The following TTC17 variants were observed in gnomAD, a reference collection of about 807,000 sequenced individuals.
TTC17 encodes tetratricopeptide repeat domain 17, also known as tetratricopeptide repeat protein 17.
TTC17 carries 58 observed loss-of-function variants against 143.8 expected under a neutral mutation model. The ratio of observed to expected loss-of-function variants is 0.40; its 90% CI spans 0.33 to 0.50. The LOEUF (loss-of-function observed/expected upper bound fraction) is 0.50. Ranked by LOEUF, TTC17 falls within the 20% of genes least tolerant of loss-of-function variation. The pLI, the probability that TTC17 is intolerant of heterozygous loss-of-function variation, is 0.49. For missense variants in TTC17, 1,273 were observed against 1,392.5 expected (o/e 0.91, Z 1.37); for synonymous variants, 501 against 497.8 (o/e 1.01, Z -0.09).
At chr11:43,375,310 G>A (rs1199456147) in intron 1 of TTC17, among the ~76,000 whole-genome samples, 1 of 152,198 alleles carries the variant, frequency 6.6e-6, no homozygotes, top group African/African-American at 2.4e-5. Flanking sequence ...AAGGAAGCAA[G>A]TGAGGTGCTT....
At chr11:43,468,621 A>G (rs1240293947) in intron 21 of TTC17, among the ~76,000 whole-genome samples, 1 of 152,172 alleles carries the variant, frequency 6.6e-6, no homozygotes. Flanking sequence ...AAGAAAAAAA[A>G]ATTGGTAAGT....
At chr11:43,400,203 A>G (rs1288393248) in intron 9 of TTC17, among the ~76,000 whole-genome samples, 155 bp downstream of exon 9, 14 of 152,220 alleles carry the variant, frequency 9.2e-5, no homozygotes, top group African/African-American at 3.1e-4. Flanking sequence ...TGGGTATACC[A>G]GGAGGCCTGG....
intron 1 of TTC17, among the ~76,000 whole-genome samples, chr11:43,366,491 G>C (rs528721128): frequency 6.9e-6 from 1 of 144,590 alleles, no homozygotes; most frequent in African/African-American, 2.7e-5. Context: ...GCGTGACAGA[G>C]TGAGACTCTG....
intron 16 of TTC17, among the ~76,000 whole-genome samples, chr11:43,430,128 G>C (rs1947119871): frequency 6.6e-6 from 1 of 152,158 alleles, no homozygotes; most frequent in Non-Finnish European, 1.5e-5. Flanking sequence ...ACTGAAGCAA[G>C]ATTAACAAAC....
rs1947652958 is a variant in TTC17, at chr11:43,451,278, A to G, written c.3030+13A>G. ...AGTTTTGGAAAAGGTAAGTCACCCCACAGAAAAGCTGGAAACAATTGCCCT... is the reference window on the plus strand; with the variant it reads ...AGTTTTGGAAAAGGTAAGTCACCCCGCAGAAAAGCTGGAAACAATTGCCCT... On this transcript the variant is annotated intron_variant, in intron 21 of 23. Coordinates refer to ENST00000039989, the MANE Select transcript of TTC17 (RefSeq NM_018259.6). 6.2e-7 allele frequency: 1 copy of G among 1,611,408 alleles called. No individual in the cohort carries two copies. Among genetic ancestry groups the G allele is most frequent in the Non-Finnish European group, 8.5e-7 (1 of 1,177,752 alleles).
At chr11:43,399,227 G>C (rs553967223) in intron 8 of TTC17, among the ~76,000 whole-genome samples, 84 of 152,336 alleles carry the variant, frequency 5.5e-4, no homozygotes, top group African/African-American at 2.0e-3. Flanking sequence ...TGAAAAGGAG[G>C]AAAGGATTCT....
rs368225618 is a variant in TTC17 at position 43,405,576 on chromosome 11, T to C, written c.1542T>C (p.Pro514=). 2 of 1,613,910 alleles carry C rather than the reference T, an allele frequency of 1.2e-6. No homozygotes were observed. The highest frequency in any genetic ancestry group is 1.3e-5 in the African/African-American group (1 of 74,928). The change falls in exon 12 of 24, where the codon CCT becomes CCC. Residue 514 remains proline (P), a synonymous_variant. Transcript: ENST00000039989. The part of the protein sequence containing the change: ...ADCTESYPRV[P]VGGELPTYFL... Reference sequence around the variant, plus strand: ...GTACAGAAAGCTACCCTAGAGTCCCTGTTGGTGGGGAATTGCCAACGTATT... The same window carrying C: ...GTACAGAAAGCTACCCTAGAGTCCCCGTTGGTGGGGAATTGCCAACGTATT...
At chr11:43,477,388 C>T (rs1590491460) in intron 21 of TTC17, among the ~76,000 whole-genome samples, 2 of 152,162 alleles carry the variant, frequency 1.3e-5, no homozygotes. Context: ...CTGCTAGTAC[C>T]AATTTACTGT....
intron 18 of TTC17, among the ~76,000 whole-genome samples, chr11:43,445,735 C>CAT (rs1947525789): frequency 6.6e-6 from 1 of 152,186 alleles, no homozygotes; most frequent in Admixed American, 6.5e-5. Flanking sequence ...GATTCAAAAA[C>CAT]CCAATTTTCA....
chr11:43,475,097 C>T (rs1009491263), intron 21 of TTC17, among the ~76,000 whole-genome samples: 2 of 152,182 alleles, frequency 1.3e-5, no homozygotes, highest in Non-Finnish European at 2.9e-5. Context: ...TGAACCTGCA[C>T]TGTTCAAACC....
chr11:43,442,886 A>G (rs566612140), intron 16 of TTC17, among the ~76,000 whole-genome samples: 10 of 152,332 alleles, frequency 6.6e-5, no homozygotes, highest in Admixed American at 2.6e-4. Flanking sequence ...TCATTTTTCA[A>G]TTAAGGCAAT....
At chr11:43,441,722 A>G (rs1364495441) in intron 16 of TTC17, among the ~76,000 whole-genome samples, 1 of 152,196 alleles carries the variant, frequency 6.6e-6, no homozygotes, top group Non-Finnish European at 1.5e-5. Context: ...GAAAAGCTTA[A>G]TGGCTACCAG....
intron 1 of TTC17, among the ~76,000 whole-genome samples, chr11:43,369,154 G>C (rs1406230866): frequency 6.6e-6 from 1 of 152,092 alleles, no homozygotes; most frequent in Admixed American, 6.5e-5. Context: ...TATTAATTAT[G>C]TTATTTGTAT....
chr11:43,397,992 C>T lies in TTC17; in HGVS notation c.937C>T (p.His313Tyr), dbSNP rs147854498. The change falls in exon 8 of 24, where the codon CAC (histidine) becomes TAC (tyrosine). Residue 313 changes from histidine to tyrosine, a missense_variant. By Grantham distance (83) the His-to-Tyr change is moderately conservative. This residue lies in a region of TTC17 where 325 missense variants were observed against 444.2 expected (regional missense o/e 0.73). Coordinates refer to ENST00000039989, the MANE Select transcript of TTC17 (RefSeq NM_018259.6). ...NIYAMLGEYN[H>Y]SVLCYDHALQ... ...TCTTCAGATGCTTGGGGAATATAACCACTCAGTGCTCTGTTATGACCACGC... is the reference window on the plus strand; with the variant it reads ...TCTTCAGATGCTTGGGGAATATAACTACTCAGTGCTCTGTTATGACCACGC... The T allele has an allele frequency of 1.2e-6, 2 of 1,611,292 alleles. No individual in the cohort carries two copies. The highest frequency in any genetic ancestry group is 1.7e-6 in the Non-Finnish European group (2 of 1,178,892).
At chr11:43,378,888 A>G (rs1487988369) in intron 1 of TTC17, 1 of 229,774 alleles carries the variant, frequency 4.4e-6, no homozygotes, top group African/African-American at 2.4e-5. Flanking sequence ...CTATCAAAAC[A>G]AGACAATTCA....
At chr11:43,407,903 T>C (rs1426458093) in intron 15 of TTC17, among the ~76,000 whole-genome samples, 1 of 151,756 alleles carries the variant, frequency 6.6e-6, no homozygotes, top group Non-Finnish European at 1.5e-5. Flanking sequence ...ATCCTACTCA[T>C]CACAGCATGC....
At chr11:43,371,116 A>AT (rs953889810) in intron 1 of TTC17, among the ~76,000 whole-genome samples, 11 of 151,866 alleles carry the variant, frequency 7.2e-5, no homozygotes, top group African/African-American at 2.2e-4. Context: ...CACAGGTGAG[A>AT]TTTTTTATAA....
chr11:43,399,092 T>C (rs1015479023), intron 8 of TTC17, among the ~76,000 whole-genome samples: 1 of 152,212 alleles, frequency 6.6e-6, no homozygotes, highest in Non-Finnish European at 1.5e-5. Context: ...TGGTGAAGCA[T>C]ATTCCTTTCG....
chr11:43,397,901 CGTGTGTGTGTGTGTGTGTGTGTGTGT>C lies in TTC17; in HGVS notation c.919-48_919-23del, dbSNP rs368934799. ...AGGCCGTGGCTAACATTTTTTTTTCCGTGTGTGTGTGTGTGTGTGTGTGTGTGTGTGTGTGTGTGTGTGTGTGTGTA... is the reference window on the plus strand; with the variant it reads ...AGGCCGTGGCTAACATTTTTTTTTCCGTGTGTGTGTGTGTGTGTGTGTGTA... On this transcript the variant is annotated intron_variant, in intron 7 of 23. Coordinates refer to ENST00000039989, the MANE Select transcript of TTC17 (RefSeq NM_018259.6). 1,513 of 1,253,570 alleles carry C rather than the reference CGTGTGTGTGTGTGTGTGTGTGTGTGT, an allele frequency of 1.2e-3. 4 individuals are homozygous for C. The African/African-American group carries it at 0.016, about 13-fold the overall frequency. 77.7% of individuals were successfully genotyped at this position (1,253,570 alleles called of 1,614,324 possible). A position where few individuals can be genotyped will look rare whatever the true frequency, so the allele number is the denominator to read the frequency against.
Sources: gnomAD v4.1 joint callset for allele counts (sites outside exome capture counted in the v4.1 genomes callset) on GRCh38, gnomAD v4.1.1 for gene constraint, gnomAD v4.1.1 regional missense constraint, MANE v1.5 for transcripts, NCBI Gene and HGNC (gene_info 2026-07-23, HGNC 2026-07-21) for gene names.